The following FOXP1 variants were observed in gnomAD, a reference collection of about 807,000 sequenced individuals.
FOXP1 encodes forkhead box P1.
Under a neutral mutation model 98.2 loss-of-function variants are expected in FOXP1, and 15 were observed. The ratio of observed to expected loss-of-function variants is 0.15; its 90% CI spans 0.10 to 0.24. The LOEUF (loss-of-function observed/expected upper bound fraction) is 0.24. FOXP1 is among the 10% of genes least tolerant of loss of function. The pLI is 1.00. For missense variants in FOXP1, 633 were observed against 848.5 expected, an observed-to-expected ratio of 0.75 and a Z score of 3.15; for synonymous variants, 371 against 314.5, an observed-to-expected ratio of 1.18 and a Z score of -1.90.
intron 6 of FOXP1, among the ~76,000 whole-genome samples, chr3:71,163,097 C>T (rs539894177): frequency 1.1e-4 from 17 of 152,230 alleles, no homozygotes; most frequent in African/African-American, 1.4e-4. Context: ...AGAACTTTGA[C>T]GGTAACTAGG....
chr3:71,446,036 GGTGAGTGA>G (rs34045911), intron 3 of FOXP1, among the ~76,000 whole-genome samples: 12,615 of 149,206 alleles, frequency 0.085, 545 homozygotes, highest in African/African-American at 0.12. Context: ...ACAACTCATA[GGTGAGTGA>G]GTGAGTGAGT....
rs1250033572 is a variant in FOXP1, at chr3:71,515,219, TC to T, written c.-297-21665del. On this transcript the variant is annotated intron_variant, in intron 2 of 20. Coordinates refer to ENST00000649528, the MANE Select transcript of FOXP1 (RefSeq NM_001349338.3). Reference sequence around the variant, plus strand: ...ATGGCTATAGTATTCATGCCATCTATCCCATACCCTCTGCATCGAACCAAAA... The same window carrying T: ...ATGGCTATAGTATTCATGCCATCTATCCATACCCTCTGCATCGAACCAAAA... Among the ~76,000 whole-genome samples, 3 of 152,168 alleles carry T rather than the reference TC, an allele frequency of 2.0e-5. No homozygotes were observed. The East Asian group carries it at 5.8e-4, about 30-fold the overall frequency.
chr3:71,183,580 A>G (rs1321606972), intron 6 of FOXP1, among the ~76,000 whole-genome samples: 2 of 152,222 alleles, frequency 1.3e-5, no homozygotes, highest in Non-Finnish European at 2.9e-5. Flanking sequence ...TCCAAGCATG[A>G]TACATTTTAT....
At chr3:71,025,549 A>C (rs1212132760) in intron 11 of FOXP1, among the ~76,000 whole-genome samples, 1 of 152,232 alleles carries the variant, frequency 6.6e-6, no homozygotes, top group Non-Finnish European at 1.5e-5. Flanking sequence ...CTCCCCAAGT[A>C]ATTGTTGCAA....
chr3:70,964,180 C>T (rs150279681), intron 20 of FOXP1, among the ~76,000 whole-genome samples: 84 of 152,298 alleles, frequency 5.5e-4, no homozygotes, highest in East Asian at 3.1e-3. Context: ...ATTTGAGCAA[C>T]GCATGTTGAC....
intron 13 of FOXP1, among the ~76,000 whole-genome samples, chr3:70,994,734 G>A (rs567496672): frequency 6.6e-5 from 10 of 152,258 alleles, no homozygotes; most frequent in African/African-American, 2.2e-4. Flanking sequence ...CACCCCCGTC[G>A]CCTGCCAGGC....
chr3:71,583,873 C>T (rs2048390824), upstream of FOXP1: 3 of 985,436 alleles, frequency 3.0e-6, no homozygotes, highest in African/African-American at 1.8e-5. Flanking sequence ...GCCCGACCCT[C>T]TACCTCCCGC....
chr3:71,579,324 G>C (rs1385742021), intron 2 of FOXP1, among the ~76,000 whole-genome samples: 4 of 152,006 alleles, frequency 2.6e-5, no homozygotes, highest in Non-Finnish European at 5.9e-5. Context: ...CCTTATCTGA[G>C]ACAGTTAATT....
intron 5 of FOXP1, among the ~76,000 whole-genome samples, chr3:71,271,695 T>G (rs1186360291): frequency 1.3e-5 from 2 of 152,218 alleles, no homozygotes; most frequent in African/African-American, 4.8e-5. Context: ...ATATAACATT[T>G]GTACTCACTG....
At chr3:71,009,288 A>G (rs762055524) in intron 12 of FOXP1, among the ~76,000 whole-genome samples, 38 of 151,908 alleles carry the variant, frequency 2.5e-4, no homozygotes, top group Non-Finnish European at 4.3e-4. Flanking sequence ...TCAGCTAAAA[A>G]TATGTTGGTG....
chr3:71,067,763 C>CACACACACACACACACAA (rs374096871), intron 7 of FOXP1, among the ~76,000 whole-genome samples: 37 of 149,782 alleles, frequency 2.5e-4, no homozygotes, highest in Admixed American at 1.1e-3. Context: ...CACACACACA[C>CACACACACACACACACAA]AATTAGCCAC....
At chr3:71,580,060 T>C (rs1680964959) in intron 2 of FOXP1, among the ~76,000 whole-genome samples, 1 of 151,992 alleles carries the variant, frequency 6.6e-6, no homozygotes, top group Non-Finnish European at 1.5e-5. Context: ...TCCAGGGTTC[T>C]CCGTGTAGCA....
At chr3:71,414,463 CA>C (rs1286051559) in intron 3 of FOXP1, among the ~76,000 whole-genome samples, 6 of 152,212 alleles carry the variant, frequency 3.9e-5, no homozygotes, top group Admixed American at 6.5e-5. Flanking sequence ...ACCCACACAG[CA>C]GGGGATGCAG....
At chr3:71,106,899 G>T (rs570512319) in intron 7 of FOXP1, among the ~76,000 whole-genome samples, 1 of 151,508 alleles carries the variant, frequency 6.6e-6, no homozygotes, top group African/African-American at 2.4e-5. Context: ...TCAGCCATCA[G>T]AGTAGCTGGG....
chr3:71,418,096 T>G (rs2083349105), intron 3 of FOXP1, among the ~76,000 whole-genome samples: 1 of 149,176 alleles, frequency 6.7e-6, no homozygotes, highest in Admixed American at 6.7e-5. Context: ...AATTCCACAG[T>G]GAAATTCTGT....
chr3:71,240,299 G>A (rs1053900695), intron 5 of FOXP1, among the ~76,000 whole-genome samples: 3 of 152,248 alleles, frequency 2.0e-5, no homozygotes, highest in African/African-American at 7.2e-5. Context: ...GATGCTCTTT[G>A]CATTCTTTGG....
In FOXP1 at chr3:70,965,685, T is replaced by C. The variant is rs11928045; in HGVS notation, c.1889+205A>G. On this transcript the variant is annotated intron_variant, in intron 20 of 20. Coordinates refer to ENST00000649528, the MANE Select transcript of FOXP1 (RefSeq NM_001349338.3). ...CTGTTTCTCATTTTATTGCTGTGAATTGCTTTTATGGGAAAGTTAGCAAAT... is the reference window on the plus strand; with the variant it reads ...CTGTTTCTCATTTTATTGCTGTGAACTGCTTTTATGGGAAAGTTAGCAAAT... Among the ~76,000 whole-genome samples the C allele has an allele frequency of 0.02, 3,057 of 152,302 alleles. 99 individuals carry two copies. Among genetic ancestry groups the C allele is most frequent in the African/African-American group, 0.068 (2,817 of 41,548 alleles).
At chr3:71,351,353 G>A (rs777326748) in intron 4 of FOXP1, among the ~76,000 whole-genome samples, 6 of 152,194 alleles carry the variant, frequency 3.9e-5, no homozygotes, top group Non-Finnish European at 7.3e-5. Flanking sequence ...GGTGAGCTCA[G>A]TATTTTAAGG....
intron 3 of FOXP1, among the ~76,000 whole-genome samples, chr3:71,393,320 T>A (rs2081165181): frequency 6.6e-6 from 1 of 152,080 alleles, no homozygotes; most frequent in Non-Finnish European, 1.5e-5. Context: ...ATCCTCAGTT[T>A]TTTTTTGTCT....
Sources: gnomAD v4.1 joint callset for allele counts (sites outside exome capture counted in the v4.1 genomes callset) on GRCh38, gnomAD v4.1.1 for gene constraint, MANE v1.5 for transcripts, NCBI Gene and HGNC (gene_info 2026-07-23, HGNC 2026-07-21) for gene names.